Variants in ACTA2 observed in about 807,000 individuals in gnomAD.
ACTA2 encodes actin alpha 2, smooth muscle, also known as actin, aortic smooth muscle.
In ACTA2, 12 loss-of-function variants were observed where a neutral mutation model predicts 39.5. That is an observed-to-expected ratio of 0.30 (90% CI 0.19 to 0.49). ACTA2 has a LOEUF of 0.49. ACTA2 is among the 20% of genes least tolerant of loss of function. ACTA2 has a pLI of 0.99. For missense variants in ACTA2, 236 were observed against 498.8 expected (o/e 0.47, Z 5.02); for synonymous variants, 158 against 180.6 (o/e 0.88, Z 1.00).
chr10:88,970,649 G>A (rs1373358545), intron 1 of ACTA2, among the ~76,000 whole-genome samples: 1 of 152,094 alleles, frequency 6.6e-6, no homozygotes, highest in Non-Finnish European at 1.5e-5. Context: ...TGCTGAGAAT[G>A]ATGGTTGGGA....
upstream of ACTA2, chr10:88,952,777 G>A (rs530948944): frequency 6.6e-6 from 1 of 152,424 alleles, no homozygotes; most frequent in African/African-American, 2.4e-5. Context: ...GGTGTTCAGG[G>A]AAGCTGAAAG....
intron 1 of ACTA2, among the ~76,000 whole-genome samples, chr10:88,981,431 A>T (rs1333600958): frequency 6.6e-6 from 1 of 151,550 alleles, no homozygotes; most frequent in African/African-American, 2.4e-5. Flanking sequence ...CATCGTCGTG[A>T]TTTATACTTT....
intron 1 of ACTA2, among the ~76,000 whole-genome samples, chr10:88,984,770 G>C (rs1018205642): frequency 1.7e-4 from 26 of 152,230 alleles, no homozygotes; most frequent in African/African-American, 6.3e-4. Flanking sequence ...GCTAGAGTGA[G>C]AGAAAGAGAG....
At chr10:88,973,148 C>T (rs1846487382) in intron 1 of ACTA2, 3 of 1,571,082 alleles carry the variant, frequency 1.9e-6, no homozygotes, top group Non-Finnish European at 2.6e-6. Context: ...CCTCCCAATC[C>T]TCTCACCTTC....
At position 88,941,341 on chromosome 10, in the gene ACTA2, A is replaced by G; in HGVS notation, c.504T>C (p.Tyr168=). Reference sequence around the variant, plus strand: ...TGGCATGGGGCAAGGCATAGCCCTCATAGATGGGGACATTGTGGGTGACAC... The same window carrying G: ...TGGCATGGGGCAAGGCATAGCCCTCGTAGATGGGGACATTGTGGGTGACAC... ...GDGVTHNVPI[Y]EGYALPHAIM... The change falls in exon 6 of 9, where the codon TAT becomes TAC. Residue 168 remains tyrosine (Y), a synonymous_variant. Coordinates refer to ENST00000224784, the MANE Select transcript of ACTA2 (RefSeq NM_001613.4). The G allele has an allele frequency of 6.2e-7, 1 of 1,613,914 alleles. No individual in the cohort carries two copies.
At chr10:88,957,093 A>C (rs1417095928), upstream of ACTA2, among the ~76,000 whole-genome samples, 3 of 152,200 alleles carry the variant, frequency 2.0e-5, no homozygotes, top group Non-Finnish European at 4.4e-5. Flanking sequence ...GCAGACACTT[A>C]AGACACGGTA....
At chr10:88,957,279 C>CA (rs1212131750), upstream of ACTA2, among the ~76,000 whole-genome samples, 1 of 152,114 alleles carries the variant, frequency 6.6e-6, no homozygotes, top group Non-Finnish European at 1.5e-5. Flanking sequence ...AACTTTATTG[C>CA]ATTTTATTTT....
At chr10:88,938,318 C>T in intron 7 of ACTA2, 76 bp from the exon 8 acceptor site, 24 of 1,505,226 alleles carry the variant, frequency 1.6e-5, no homozygotes, top group Non-Finnish European at 2.0e-5. Context: ...CAGACTTGAA[C>T]ATCTGGATGA....
At chr10:88,976,302 G>A (rs1408030928) in intron 1 of ACTA2, among the ~76,000 whole-genome samples, 1 of 152,170 alleles carries the variant, frequency 6.6e-6, no homozygotes, top group Non-Finnish European at 1.5e-5. Context: ...TGTGGCCCAC[G>A]GGCCGTGGGT....
intron 1 of ACTA2, among the ~76,000 whole-genome samples, chr10:88,976,098 A>C (rs534910743): frequency 1.3e-5 from 2 of 152,336 alleles, no homozygotes; most frequent in East Asian, 1.9e-4. Context: ...TATAATGTGT[A>C]ATACAGGGGT....
chr10:88,954,502 A>G (rs1846102060), upstream of ACTA2, among the ~76,000 whole-genome samples: 1 of 152,164 alleles, frequency 6.6e-6, no homozygotes, highest in Admixed American at 6.5e-5. Context: ...TAGGAGGGCA[A>G]TTTGAGTAGA....
At chr10:88,987,757 T>A (rs1220701156) in intron 1 of ACTA2, among the ~76,000 whole-genome samples, 3 of 152,230 alleles carry the variant, frequency 2.0e-5, no homozygotes, top group Non-Finnish European at 4.4e-5. Flanking sequence ...CCAATGCCAC[T>A]GTGATGGTTA....
At chr10:88,970,026 C>T (rs1165269905) in intron 1 of ACTA2, among the ~76,000 whole-genome samples, 3 of 152,108 alleles carry the variant, frequency 2.0e-5, no homozygotes, top group Non-Finnish European at 4.4e-5. Flanking sequence ...CAGATGTAAC[C>T]ACACTGATAA....
chr10:88,978,082 AGTTCATGTCCTTT>A (rs1336372232), intron 1 of ACTA2, among the ~76,000 whole-genome samples: 1 of 65,898 alleles, frequency 1.5e-5, no homozygotes, highest in Non-Finnish European at 3.0e-5. Flanking sequence ...AAAAATGATG[AGTTCATGTCCTTT>A]GTAGGGACAT....
intron 1 of ACTA2, among the ~76,000 whole-genome samples, chr10:88,970,350 G>T (rs959937246): frequency 1.3e-5 from 2 of 151,774 alleles, no homozygotes; most frequent in African/African-American, 4.8e-5. Flanking sequence ...TGTCCTCTTC[G>T]CTGAGTTCCT....
chr10:88,942,543 T>C (rs1845874747), intron 4 of ACTA2, among the ~76,000 whole-genome samples: 1 of 152,224 alleles, frequency 6.6e-6, no homozygotes, highest in Non-Finnish European at 1.5e-5. Flanking sequence ...CCAATGGTAA[T>C]AGAGGACCAC....
At chr10:88,964,085 G>T (rs1846280515) in intron 1 of ACTA2, among the ~76,000 whole-genome samples, 1 of 151,332 alleles carries the variant, frequency 6.6e-6, no homozygotes, top group South Asian at 2.1e-4. Context: ...TGTGTATTTT[G>T]TTATATATTT....
rs778887472 is a variant in ACTA2, at chr10:88,935,245, A to G, written c.1112T>C (p.Ile371Thr). 12 of 1,613,522 alleles carry G rather than the reference A, an allele frequency of 7.4e-6. No individual in the cohort carries two copies. The highest frequency in any genetic ancestry group is 2.2e-5 in the East Asian group (1 of 44,878). Residue 371 changes from isoleucine (I) to threonine (T), a missense_variant, in exon 9 of 9, where the codon ATT becomes ACT. Transcript: ENST00000224784. ...KQEYDEAGPS[I>T]VHRKCF ...GTTTTAGAAGCATTTGCGGTGGACA[A>G]TGGAAGGCCCGGCTTCATCGTATTC...
intron 1 of ACTA2, among the ~76,000 whole-genome samples, chr10:88,965,704 G>A (rs1047836218): frequency 4.6e-5 from 7 of 152,194 alleles, no homozygotes; most frequent in Middle Eastern, 3.4e-3. Context: ...TTTCCCCTGC[G>A]TTTCTGCAAA....
Sources: allele counts gnomAD v4.1 joint callset (sites outside exome capture counted in the v4.1 genomes callset), GRCh38; gene constraint gnomAD v4.1.1; transcripts MANE v1.5; gene names NCBI Gene and HGNC (gene_info 2026-07-23, HGNC 2026-07-21).